CISD2: variants seen among roughly 807,000 people sequenced by gnomAD.
CISD2 encodes CDGSH iron sulfur domain 2, also known as CDGSH iron-sulfur domain-containing protein 2.
Under a neutral mutation model 12.9 loss-of-function variants are expected in CISD2, and 1 was observed. That is an observed-to-expected ratio of 0.08 (90% CI 0.03 to 0.37). The LOEUF (loss-of-function observed/expected upper bound fraction) is 0.37, where lower values mean the gene tolerates loss of function less well. CISD2 is among the 10% of genes least tolerant of loss of function. CISD2 has a pLI of 0.99. For synonymous variants in CISD2, 50 were observed against 60.6 expected (o/e 0.83, Z 0.81); for missense variants, 97 against 163.1 (o/e 0.59, Z 2.21).
chr4:102,880,761 G>A (rs947145571), intron 1 of CISD2, among the ~76,000 whole-genome samples: 1 of 152,026 alleles, frequency 6.6e-6, no homozygotes, highest in Non-Finnish European at 1.5e-5. Flanking sequence ...GAGAGGCCAA[G>A]GTGGGTGGAT....
At chr4:102,880,726 C>T (rs1733698811) in intron 1 of CISD2, among the ~76,000 whole-genome samples, 1 of 151,960 alleles carries the variant, frequency 6.6e-6, no homozygotes, top group African/African-American at 2.4e-5. Context: ...GGCACGGTGG[C>T]TCACGCCTGT....
intron 1 of CISD2, among the ~76,000 whole-genome samples, chr4:102,878,597 A>G (rs1433267525): frequency 3.3e-5 from 5 of 152,242 alleles, no homozygotes; most frequent in Non-Finnish European, 7.3e-5. Flanking sequence ...GCATAGCAAG[A>G]GTGACCTTTG....
At position 102,891,077 on chromosome 4, in the gene CISD2, G is replaced by A. The variant is rs1734225229; in HGVS notation, c.*3647G>A. On this transcript the variant is annotated 3_prime_UTR_variant, in exon 3 of 3. Transcript: ENST00000273986. ...GATCCAGAACAAGGAAATGATGTATGTGTTTACATATTACATCTACTTTAT... is the reference window on the plus strand; with the variant it reads ...GATCCAGAACAAGGAAATGATGTATATGTTTACATATTACATCTACTTTAT... 2.0e-5 allele frequency: 3 copies of A among 151,150 alleles called. 1 individual carries two copies. The highest frequency in any genetic ancestry group is 7.4e-5 in the African/African-American group (3 of 40,528). The allele number at this position is 151,150 out of a possible 1,614,324, so 9.4% of individuals were successfully genotyped here. A position where few individuals can be genotyped will look rare whatever the true frequency, so the allele number is the denominator to read the frequency against.
intron 1 of CISD2, 89 bp from the exon 2 acceptor site, chr4:102,885,127 C>T: frequency 9.3e-7 from 1 of 1,071,698 alleles, no homozygotes; most frequent in Non-Finnish European, 1.4e-6. Context: ...TAAAAAGTAA[C>T]AAAGAATAAG....
chr4:102,869,312 A>G lies in CISD2; in HGVS notation c.103+125A>G, dbSNP rs531353359. 16 of 1,351,906 alleles carry G rather than the reference A, an allele frequency of 1.2e-5. No individual in the cohort carries two copies. The African/African-American group carries it at 2.0e-4, about 17-fold the overall frequency. 83.7% of individuals were successfully genotyped at this position (1,351,906 alleles called of 1,614,324 possible). On this transcript the variant is annotated intron_variant, in intron 1 of 2. Transcript: ENST00000273986. ...CGCCTGGCACGTGATCCCCGCGCGC[A>G]GAGGAAGGTGGGCGCGCGCCGACGC...
At chr4:102,878,132 TG>T (rs1045687494) in intron 1 of CISD2, among the ~76,000 whole-genome samples, 1 of 87,918 alleles carries the variant, frequency 1.1e-5, no homozygotes, top group African/African-American at 4.3e-5. Context: ...TTCTTTTTTT[TG>T]GGGGGGCGGG....
chr4:102,881,673 T>C (rs189820605), intron 1 of CISD2, among the ~76,000 whole-genome samples: 1 of 152,328 alleles, frequency 6.6e-6, no homozygotes, highest in Admixed American at 6.5e-5. Context: ...TAAATTGTAG[T>C]TGGTTATCTT....
At chr4:102,870,648 A>G (rs1733416508) in intron 1 of CISD2, among the ~76,000 whole-genome samples, 1 of 152,234 alleles carries the variant, frequency 6.6e-6, no homozygotes. Context: ...ATAAAATGAA[A>G]AACGTTTCAC....
At chr4:102,873,073 G>T (rs575519262) in intron 1 of CISD2, among the ~76,000 whole-genome samples, 167 of 152,214 alleles carry the variant, frequency 1.1e-3, no homozygotes, top group Non-Finnish European at 2.0e-3. Flanking sequence ...AAAACCATCA[G>T]ATATCATGAG....
rs1006077387 is a variant in CISD2 at position 102,891,644 on chromosome 4, A to G, written c.*4214A>G. ...TATGTAAAATATATTGACTTACTCGATGATTGGAGGCTTTATCACAGGAAG... is the reference window on the plus strand; with the variant it reads ...TATGTAAAATATATTGACTTACTCGGTGATTGGAGGCTTTATCACAGGAAG... On this transcript the variant is annotated 3_prime_UTR_variant, in exon 3 of 3. Coordinates refer to ENST00000273986, the MANE Select transcript of CISD2 (RefSeq NM_001008388.5). 6.6e-6 allele frequency: 1 copy of G among 152,232 alleles called. No homozygotes were observed. The highest frequency in any genetic ancestry group is 2.4e-5 in the African/African-American group (1 of 41,464). 9.4% of individuals were successfully genotyped at this position (152,232 alleles called of 1,614,324 possible). A position where few individuals can be genotyped will look rare whatever the true frequency, so the allele number is the denominator to read the frequency against.
chr4:102,870,508 G>A (rs1455091739), intron 1 of CISD2, among the ~76,000 whole-genome samples: 2 of 152,112 alleles, frequency 1.3e-5, no homozygotes, highest in African/African-American at 4.8e-5. Context: ...CTGTTGAGTG[G>A]ATTGTGAGAT....
At chr4:102,886,490 C>CA (rs1442401495) in intron 2 of CISD2, among the ~76,000 whole-genome samples, 1 of 143,974 alleles carries the variant, frequency 6.9e-6, no homozygotes, top group Admixed American at 6.9e-5. Context: ...GACTGTCTCA[C>CA]AAAAAAAAGA....
chr4:102,876,093 C>T (rs1483141415), intron 1 of CISD2, among the ~76,000 whole-genome samples: 1 of 152,118 alleles, frequency 6.6e-6, no homozygotes, highest in East Asian at 1.9e-4. Context: ...TATTTGTTCA[C>T]TTGTTTATAG....
chr4:102,881,090 A>C (rs1487400686), intron 1 of CISD2, among the ~76,000 whole-genome samples: 1 of 152,184 alleles, frequency 6.6e-6, no homozygotes, highest in Non-Finnish European at 1.5e-5. Context: ...ACATATATCA[A>C]ACAGATCTAT....
rs1734227908 is a variant in CISD2 at position 102,891,135 on chromosome 4, C to T, written c.*3705C>T. On this transcript the variant is annotated 3_prime_UTR_variant, in exon 3 of 3. Coordinates refer to ENST00000273986, the MANE Select transcript of CISD2 (RefSeq NM_001008388.5). ...TTTCCCTCTGTTAAACTAATATCGA[C>T]TAATAGTAGTCTAGGTAAGTCAAGT... 6.6e-6 allele frequency: 1 copy of T among 151,294 alleles called. No individual in the cohort carries two copies. Among genetic ancestry groups the T allele is most frequent in the Non-Finnish European group, 1.5e-5 (1 of 68,022 alleles). 9.4% of individuals were successfully genotyped at this position (151,294 alleles called of 1,614,324 possible). A position where few individuals can be genotyped will look rare whatever the true frequency, so the allele number is the denominator to read the frequency against.
intron 2 of CISD2, among the ~76,000 whole-genome samples, chr4:102,886,616 CTTTA>C (rs1274806942): frequency 1.6e-4 from 24 of 151,994 alleles, no homozygotes; most frequent in African/African-American, 4.6e-4. Flanking sequence ...TTTATTTATT[CTTTA>C]TTTATTTTTG....
intron 1 of CISD2, among the ~76,000 whole-genome samples, chr4:102,877,028 A>G (rs1267138889): frequency 2.0e-5 from 3 of 152,178 alleles, no homozygotes; most frequent in Admixed American, 2.0e-4. Flanking sequence ...TGTGGAAATT[A>G]TGGGGATTAT....
intron 2 of CISD2, 40 bp from the exon 3 acceptor site, chr4:102,887,299 CAT>C (rs1363905986): frequency 8.8e-7 from 1 of 1,134,448 alleles, no homozygotes; most frequent in South Asian, 1.2e-5. Context: ...CCTAATGAAT[CAT>C]ATTTTAAAAA....
rs777634796 is a variant in CISD2, at chr4:102,869,098, G to A, written c.14G>A (p.Ser5Asn). 6.2e-6 allele frequency: 10 copies of A among 1,611,484 alleles called. No individual in the cohort carries two copies. The highest frequency in any genetic ancestry group is 4.2e-6 in the Non-Finnish European group (5 of 1,179,132). ...CCGCTGGCCAGGATGGTGCTGGAGAGCGTGGCCCGTATCGTGAAGGTGCAG... is the reference window on the plus strand; with the variant it reads ...CCGCTGGCCAGGATGGTGCTGGAGAACGTGGCCCGTATCGTGAAGGTGCAG... MVLE[S>N]VARIVKVQLP... is the part of the protein sequence containing the mutation. Residue 5 changes from serine (S) to asparagine (N), a missense_variant, in exon 1 of 3, where the codon AGC becomes AAC. Physicochemically the swap from Ser to Asn is conservative, Grantham distance 46. Transcript: ENST00000273986.
Sources: gnomAD v4.1 joint callset for allele counts (sites outside exome capture counted in the v4.1 genomes callset) on GRCh38, gnomAD v4.1.1 for gene constraint, MANE v1.5 for transcripts, NCBI Gene and HGNC (gene_info 2026-07-23, HGNC 2026-07-21) for gene names.